The following SRPK2 variants were observed in gnomAD, a reference collection of about 807,000 sequenced individuals.
The protein encoded by SRPK2 is SRSF protein kinase 2.
Under a neutral mutation model 90.8 loss-of-function variants are expected in SRPK2, and 21 were observed. That is an observed-to-expected ratio of 0.23 (90% confidence interval 0.16 to 0.33). The LOEUF (loss-of-function observed/expected upper bound fraction) is 0.33, where lower values mean the gene tolerates loss of function less well. SRPK2 is among the 10% of genes least tolerant of loss of function. The pLI is 1.00. For missense variants in SRPK2, 620 were observed against 869.0 expected, an observed-to-expected ratio of 0.71 and a Z score of 3.60; for synonymous variants, 288 against 311.1, an observed-to-expected ratio of 0.93 and a Z score of 0.78.
chr7:105,372,941 T>G (rs921373143), intron 2 of SRPK2, among the ~76,000 whole-genome samples: 21 of 151,970 alleles, frequency 1.4e-4, no homozygotes, highest in African/African-American at 4.1e-4. Flanking sequence ...ATACAAAAAT[T>G]AGCTGGGCAT....
chr7:105,312,437 CA>C (rs61348366), intron 2 of SRPK2, among the ~76,000 whole-genome samples: 2 of 84,860 alleles, frequency 2.4e-5, no homozygotes, highest in Non-Finnish European at 4.2e-5. Flanking sequence ...GAGACTCCGT[CA>C]AAAAAAAAAA....
intron 3 of SRPK2, among the ~76,000 whole-genome samples, chr7:105,193,689 T>C (rs1794582864): frequency 6.6e-6 from 1 of 152,200 alleles, no homozygotes. Flanking sequence ...TCCATTTGTT[T>C]GTGTCGTCTA....
At chr7:105,396,717 G>A (rs959038978) in intron 1 of SRPK2, among the ~76,000 whole-genome samples, 1 of 149,766 alleles carries the variant, frequency 6.7e-6, no homozygotes, top group Non-Finnish European at 1.5e-5. Flanking sequence ...GAAGGGGAGG[G>A]GGAGGGGAGA....
chr7:105,296,902 C>G (rs1809891459), intron 2 of SRPK2, among the ~76,000 whole-genome samples: 1 of 152,178 alleles, frequency 6.6e-6, no homozygotes, highest in Admixed American at 6.5e-5. Flanking sequence ...CAAGGTCATA[C>G]AGCTAGCAAA....
chr7:105,367,777 G>T (rs776134001), intron 2 of SRPK2, among the ~76,000 whole-genome samples: 11 of 152,080 alleles, frequency 7.2e-5, no homozygotes, highest in African/African-American at 2.7e-4. Context: ...TTTCATGTTG[G>T]TAAATGATAA....
chr7:105,204,536 G>C, intron 2 of SRPK2: 1 of 397,882 alleles, frequency 2.5e-6, no homozygotes, highest in Middle Eastern at 3.5e-4. Context: ...TCTGGATGCC[G>C]GAAGCACATC....
intron 2 of SRPK2, among the ~76,000 whole-genome samples, chr7:105,347,565 G>A (rs1816615435): frequency 6.6e-6 from 1 of 152,026 alleles, no homozygotes; most frequent in African/African-American, 2.4e-5. Context: ...GGAGGAGGAA[G>A]AATTATGGCT....
chr7:105,241,205 A>G (rs1800772882), intron 2 of SRPK2, among the ~76,000 whole-genome samples: 1 of 152,244 alleles, frequency 6.6e-6, no homozygotes, highest in Admixed American at 6.5e-5. Context: ...AGCTAAATTT[A>G]GATGTTCCTT....
chr7:105,222,885 A>G lies in SRPK2; in HGVS notation c.72-19100T>C, dbSNP rs141400646. 2.2e-3 allele frequency among the ~76,000 whole-genome samples: 329 copies of G among 151,368 alleles called. 1 individual carries two copies. Among genetic ancestry groups the G allele is most frequent in the African/African-American group, 7.7e-3 (316 of 41,256 alleles). ...AGAGAAATTTATAATTTTACTGATGAAAAAAAAACAGCTAAACTCTAGTAT... is the reference window on the plus strand; with the variant it reads ...AGAGAAATTTATAATTTTACTGATGGAAAAAAAACAGCTAAACTCTAGTAT... On this transcript the variant is annotated intron_variant, in intron 2 of 15. Transcript: ENST00000393651.
intron 2 of SRPK2, chr7:105,205,852 A>G (rs1796164416): frequency 2.0e-6 from 1 of 500,174 alleles, no homozygotes; most frequent in South Asian, 1.5e-5. Flanking sequence ...CATTTCCTCA[A>G]TGAGAAATAC....
chr7:105,319,487 A>G (rs1243840716), intron 2 of SRPK2, among the ~76,000 whole-genome samples: 2 of 86,148 alleles, frequency 2.3e-5, no homozygotes, highest in Non-Finnish European at 4.3e-5. Flanking sequence ...CCACTCTTAA[A>G]TTTAATGCAC....
At chr7:105,380,064 C>T (rs1466460239) in intron 2 of SRPK2, among the ~76,000 whole-genome samples, 2 of 152,170 alleles carry the variant, frequency 1.3e-5, no homozygotes, top group South Asian at 2.1e-4. Context: ...TCACCCAAAC[C>T]CAAGAGGGTG....
chr7:105,215,430 T>A (rs577876572), intron 2 of SRPK2, among the ~76,000 whole-genome samples: 1 of 152,268 alleles, frequency 6.6e-6, no homozygotes, highest in African/African-American at 2.4e-5. Context: ...TGGACAACAG[T>A]CTAGCAGTAT....
intron 2 of SRPK2, among the ~76,000 whole-genome samples, chr7:105,330,808 C>A (rs1814218901): frequency 6.6e-6 from 1 of 151,974 alleles, no homozygotes; most frequent in Non-Finnish European, 1.5e-5. Context: ...AGTGAGACAC[C>A]TGTCTCTATT....
chr7:105,232,637 T>C (rs1799583951), intron 2 of SRPK2, among the ~76,000 whole-genome samples: 1 of 151,026 alleles, frequency 6.6e-6, no homozygotes, highest in African/African-American at 2.4e-5. Flanking sequence ...GTAACAGAAA[T>C]ATTCACATGT....
intron 11 of SRPK2, among the ~76,000 whole-genome samples, chr7:105,138,858 C>T (rs1562971972): frequency 6.6e-6 from 1 of 152,132 alleles, no homozygotes; most frequent in Non-Finnish European, 1.5e-5. Context: ...ATTATTGTTA[C>T]AATGGAGGAC....
intron 2 of SRPK2, among the ~76,000 whole-genome samples, chr7:105,268,596 T>C (rs1351219714): frequency 1.3e-5 from 2 of 152,356 alleles, no homozygotes; most frequent in East Asian, 3.9e-4. Flanking sequence ...ATGCTGCAGC[T>C]GATCAGGCTC....
intron 2 of SRPK2, among the ~76,000 whole-genome samples, chr7:105,271,842 C>T (rs1805873921): frequency 6.6e-6 from 1 of 152,046 alleles, no homozygotes; most frequent in South Asian, 2.1e-4. Flanking sequence ...TATCTGGGAC[C>T]CTATATGCTT....
intron 2 of SRPK2, among the ~76,000 whole-genome samples, chr7:105,291,971 A>C (rs1006598656): frequency 6.6e-6 from 1 of 152,204 alleles, no homozygotes; most frequent in Non-Finnish European, 1.5e-5. Context: ...GAATAACTGA[A>C]AGATGTGCCA....
Sources: gnomAD v4.1 joint callset for allele counts (sites outside exome capture counted in the v4.1 genomes callset) on GRCh38, gnomAD v4.1.1 for gene constraint, MANE v1.5 for transcripts, NCBI Gene and HGNC (gene_info 2026-07-23, HGNC 2026-07-21) for gene names.